PCDHGB7: variants seen among roughly 807,000 people sequenced by gnomAD.
PCDHGB7 encodes protocadherin gamma subfamily B, 7.
A neutral mutation model predicts 61.4 loss-of-function variants in PCDHGB7; 37 were observed. The observed-to-expected ratio is 0.60, with a 90% confidence interval of 0.46 to 0.79. The LOEUF (loss-of-function observed/expected upper bound fraction) is 0.79, where lower values mean the gene tolerates loss of function less well. PCDHGB7 is among the 30% of genes least tolerant of loss of function. PCDHGB7 has a pLI of 0.00. For synonymous variants in PCDHGB7, 464 were observed against 503.5 expected, an observed-to-expected ratio of 0.92 and a Z score of 1.05; for missense variants, 1,166 against 1,202.5, an observed-to-expected ratio of 0.97 and a Z score of 0.45.
chr5:141,426,848 C>T (rs1379697529), intron 1 of PCDHGB7: 3 of 456,552 alleles, frequency 6.6e-6, no homozygotes, highest in Admixed American at 4.7e-5. Context: ...AAGGCAAGAA[C>T]GCTCCAGAAT....
intron 1 of PCDHGB7, chr5:141,441,731 C>G: frequency 2.8e-6 from 1 of 362,226 alleles, no homozygotes; most frequent in South Asian, 2.2e-5. Context: ...GCGACCAGGA[C>G]TAGCTCGCGC....
At chr5:141,459,108 A>G (rs1240280274) in intron 1 of PCDHGB7, among the ~76,000 whole-genome samples, 1 of 152,216 alleles carries the variant, frequency 6.6e-6, no homozygotes, top group Non-Finnish European at 1.5e-5. Flanking sequence ...ATGCATTTTG[A>G]CAATTGTTTA....
chr5:141,445,134 A>G lies in PCDHGB7; in HGVS notation c.2415+24860A>G, dbSNP rs900226020. ...TTGTAAATAGTATTTTTAAAATTGT[A>G]TCTTCTAATTGTTCATTTCTAGTTT... On this transcript the variant is annotated intron_variant, in intron 1 of 3. Transcript: ENST00000398594. Among the ~76,000 whole-genome samples, 174 of 152,316 alleles carry G rather than the reference A, an allele frequency of 1.1e-3. 4 individuals carry two copies. The highest frequency in any genetic ancestry group is 5.3e-4 in the Non-Finnish European group (36 of 68,016).
Position 141,485,057 on chromosome 5 carries a change from C to T in PCDHGB7, c.2416-9750C>T. 1 of 843,720 alleles carries T rather than the reference C, an allele frequency of 1.2e-6. No individual in the cohort carries two copies. The highest frequency in any genetic ancestry group is 1.9e-6 in the Non-Finnish European group (1 of 524,586). 52.3% of individuals were successfully genotyped at this position (843,720 alleles called of 1,614,324 possible). On this transcript the variant is annotated intron_variant, in intron 1 of 3. Transcript: ENST00000398594. This position sits in a 1 kb window ranked among gnomAD's most constrained non-coding sequence, Gnocchi z 5.7. The stretch of plus-strand genomic sequence containing the variant: ...GTAACCCTTGCGGCGCCGGCCGAAC[C>T]GCGCCAGAGCTGGCGCGGGGAAAGG...
intron 1 of PCDHGB7, chr5:141,430,643 T>C (rs1432236231): frequency 2.1e-6 from 2 of 947,068 alleles, no homozygotes; most frequent in Non-Finnish European, 3.0e-6. Context: ...CCTGGGAGTA[T>C]GTGGAAACAA....
chr5:141,456,773 G>A (rs1178932462), intron 1 of PCDHGB7, among the ~76,000 whole-genome samples: 6 of 151,980 alleles, frequency 3.9e-5, no homozygotes, highest in African/African-American at 1.2e-4. Context: ...GACCAGCCTG[G>A]CCTACATGGC....
chr5:141,475,708 C>G (rs2099367415), intron 1 of PCDHGB7, among the ~76,000 whole-genome samples: 1 of 152,238 alleles, frequency 6.6e-6, no homozygotes, highest in African/African-American at 2.4e-5. Flanking sequence ...AACGGCTAGC[C>G]TCACAGCCCC....
intron 1 of PCDHGB7, chr5:141,421,591 G>T: frequency 6.2e-7 from 1 of 1,613,874 alleles, no homozygotes; most frequent in Non-Finnish European, 8.5e-7. Context: ...CGGAGTGGAG[G>T]TGGAAATAAT....
chr5:141,450,903 C>T (rs1468232105), intron 1 of PCDHGB7, among the ~76,000 whole-genome samples: 3 of 151,086 alleles, frequency 2.0e-5, no homozygotes, highest in African/African-American at 7.3e-5. Context: ...CGGCTCACTG[C>T]AACCGCTGCC....
Position 141,491,103 on chromosome 5 carries a change from G to C in PCDHGB7, c.2416-3704G>C. 1 of 1,614,162 alleles carries C rather than the reference G, an allele frequency of 6.2e-7. No individual in the cohort carries two copies. Among genetic ancestry groups the C allele is most frequent in the South Asian group, 1.1e-5 (1 of 91,082 alleles). On this transcript the variant is annotated intron_variant, in intron 1 of 3. Transcript: ENST00000398594. The surrounding 1 kb of genome is among the most constrained non-coding windows in gnomAD (Gnocchi z 6.9). ...CCACAGCCCCAGGACTGTTCCTCGT[G>C]TCTACACACACTGGTGAGGTGCGCA... is the stretch of plus-strand genomic sequence containing the variant.
chr5:141,497,148 A>G (rs1436451953), intron 2 of PCDHGB7, among the ~76,000 whole-genome samples: 1 of 152,122 alleles, frequency 6.6e-6, no homozygotes, highest in Non-Finnish European at 1.5e-5. Context: ...ATCACGAAAA[A>G]AAAATAATCT....
Position 141,418,330 on chromosome 5 carries a change from A to C in PCDHGB7, c.471A>C (p.Ala157=), listed in dbSNP as rs1346623372. 1.2e-6 allele frequency: 2 copies of C among 1,613,922 alleles called. No homozygotes were observed. Among genetic ancestry groups the C allele is most frequent in the Admixed American group, 1.7e-5 (1 of 60,016 alleles). ...GGATGGGAACAATTCTTGAGTCTGC[A>C]GAAGATCCTGATATTAGTATGAATT... is the stretch of plus-strand genomic sequence containing the variant. ...SLGMGTILES[A]EDPDISMNSL... Residue 157 remains alanine (A), a synonymous_variant, in exon 1 of 4, where the codon GCA becomes GCC. Coordinates refer to ENST00000398594, the MANE Select transcript of PCDHGB7 (RefSeq NM_018927.4).
intron 1 of PCDHGB7, chr5:141,423,839 A>C: frequency 7.8e-7 from 1 of 1,279,970 alleles, no homozygotes; most frequent in Admixed American, 3.8e-5. Flanking sequence ...AGATTACGAT[A>C]ATCTTTCAGA....
intron 1 of PCDHGB7, chr5:141,468,330 C>CAAAAAAAAAAAAAAAAGAAAAAAAAAAA (rs2099163578): frequency 1.3e-5 from 1 of 79,888 alleles, no homozygotes; most frequent in African/African-American, 3.9e-5. Flanking sequence ...AACTCCATCT[C>CAAAAAAAAAAAAAAAAGAAAAAAAAAAA]AAAAAAAAAA....
chr5:141,433,140 CAGGTGATTCGGTATTTTCTAAAG>C (rs2097570930), intron 1 of PCDHGB7: 1 of 1,613,948 alleles, frequency 6.2e-7, no homozygotes, highest in Non-Finnish European at 8.5e-7. Flanking sequence ...CTTTTGCTGT[CAGGTGATTCGGTATTTTCTAAAG>C]ACAGTCATGG....
Position 141,419,424 on chromosome 5 carries a change from A to G in PCDHGB7, c.1565A>G (p.His522Arg), listed in dbSNP as rs1197238939. 6.2e-7 allele frequency: 1 copy of G among 1,613,230 alleles called. No individual in the cohort carries two copies. The highest frequency in any genetic ancestry group is 1.7e-5 in the Admixed American group (1 of 59,998). The change falls in exon 1 of 4, where the codon CAC becomes CGC. Residue 522 changes from histidine to arginine, a missense_variant. His to Arg is a conservative substitution (Grantham distance 29). Coordinates refer to ENST00000398594, the MANE Select transcript of PCDHGB7 (RefSeq NM_018927.4). The stretch of plus-strand genomic sequence containing the variant: ...GTGTTCGCGCAGCGCGCCTTCGACC[A>G]CGAGCAGCTGCGCACCTTCGAGCTC... ...GVVFAQRAFDHEQLRTFELTL... is the reference protein window; with the variant it reads ...GVVFAQRAFDREQLRTFELTL...
chr5:141,475,547 G>A (rs2099364977), intron 1 of PCDHGB7, among the ~76,000 whole-genome samples: 1 of 152,176 alleles, frequency 6.6e-6, no homozygotes, highest in Non-Finnish European at 1.5e-5. Context: ...AGTAGGGTCC[G>A]GCTAATTGTC....
rs73794918 is a variant in PCDHGB7, at chr5:141,443,711, A to G, written c.2415+23437A>G. On this transcript the variant is annotated intron_variant, in intron 1 of 3. Coordinates refer to ENST00000398594, the MANE Select transcript of PCDHGB7 (RefSeq NM_018927.4). ...TCAAAAATTATAGAATAACATTTGC[A>G]TATAAAATTCCTCATACATTTCCCT... 9.8e-3 allele frequency among the ~76,000 whole-genome samples: 1,497 copies of G among 152,340 alleles called. 25 individuals are homozygous for G. Among genetic ancestry groups the G allele is most frequent in the African/African-American group, 0.033 (1,382 of 41,580 alleles).
chr5:141,421,817 T>A (rs375019903), intron 1 of PCDHGB7: 34 of 1,613,662 alleles, frequency 2.1e-5, no homozygotes, highest in Non-Finnish European at 2.8e-5. Context: ...GAGCTAGTAC[T>A]GGAGGGAAGC....
Sources: gnomAD v4.1 joint callset for allele counts (sites outside exome capture counted in the v4.1 genomes callset) on GRCh38, gnomAD v4.1.1 for gene constraint, Gnocchi (gnomAD v3.1) non-coding constraint, MANE v1.5 for transcripts, NCBI Gene and HGNC (gene_info 2026-07-23, HGNC 2026-07-21) for gene names.